PRKN: variants seen among roughly 807,000 people sequenced by gnomAD.
PRKN encodes parkin RBR E3 ubiquitin protein ligase, also known as E3 ubiquitin-protein ligase parkin.
Under a neutral mutation model 59.5 loss-of-function variants are expected in PRKN, and 56 were observed. The observed-to-expected ratio is 0.94, with a 90% CI of 0.76 to 1.18. PRKN has a LOEUF of 1.18. PRKN is among the 50% of genes most tolerant of loss of function. PRKN has a pLI of 0.00. For synonymous variants in PRKN, 250 were observed against 222.1 expected (o/e 1.13, Z -1.12); for missense variants, 657 against 596.4 (o/e 1.10, Z -1.06).
intron 1 of PRKN, among the ~76,000 whole-genome samples, chr6:162,694,236 C>CAAAAAAAAAA (rs149337714): frequency 7.5e-5 from 7 of 93,476 alleles, no homozygotes; most frequent in Non-Finnish European, 1.0e-4. Context: ...AACAGTGAGA[C>CAAAAAAAAAA]AAAAAAAAAA....
chr6:161,775,695 G>C (rs1327824151), intron 7 of PRKN, among the ~76,000 whole-genome samples: 1 of 152,130 alleles, frequency 6.6e-6, no homozygotes, highest in Admixed American at 6.5e-5. Context: ...GTATTTAGGA[G>C]AGCAATGTTC....
chr6:161,367,209 C>G (rs1353822998), intron 10 of PRKN, among the ~76,000 whole-genome samples: 1 of 151,856 alleles, frequency 6.6e-6, no homozygotes, highest in Non-Finnish European at 1.5e-5. Context: ...TCTCGATCTC[C>G]TGACCTTGTG....
intron 4 of PRKN, among the ~76,000 whole-genome samples, chr6:162,068,322 G>C (rs1356852431): frequency 6.6e-6 from 1 of 152,006 alleles, no homozygotes; most frequent in Non-Finnish European, 1.5e-5. Flanking sequence ...CATTATACTT[G>C]GCATTTCTTT....
Position 161,513,625 on chromosome 6 carries a change from C to A in PRKN, c.1083+35229G>T, listed in dbSNP as rs142341136. 3.3e-5 allele frequency among the ~76,000 whole-genome samples: 5 copies of A among 151,668 alleles called. No homozygotes were observed. The East Asian group carries it at 9.7e-4, about 29-fold the overall frequency. On this transcript the variant is annotated intron_variant, in intron 9 of 11. Transcript: ENST00000366898. Reference sequence around the variant, plus strand: ...TGGGCAAGGAGGTAAACAAACTGAGCCACTACATGAAGGAACCCGAAGTTG... The same window carrying A: ...TGGGCAAGGAGGTAAACAAACTGAGACACTACATGAAGGAACCCGAAGTTG...
intron 4 of PRKN, among the ~76,000 whole-genome samples, chr6:162,149,037 G>C (rs1266633154): frequency 6.6e-6 from 1 of 151,968 alleles, no homozygotes; most frequent in African/African-American, 2.4e-5. Flanking sequence ...GGCACAAATA[G>C]GGTAGTGAGA....
intron 6 of PRKN, among the ~76,000 whole-genome samples, chr6:161,853,195 T>C (rs1793507225): frequency 6.6e-6 from 1 of 152,220 alleles, no homozygotes; most frequent in African/African-American, 2.4e-5. Context: ...TTATGGGCTC[T>C]GATAGAATGT....
chr6:162,409,490 AC>A (rs1006873732), intron 2 of PRKN, among the ~76,000 whole-genome samples: 2 of 151,812 alleles, frequency 1.3e-5, no homozygotes, highest in Non-Finnish European at 2.9e-5. Context: ...CCCCACCCTC[AC>A]CCCATGCACT....
intron 1 of PRKN, among the ~76,000 whole-genome samples, chr6:162,608,296 A>G (rs2128218342): frequency 6.6e-6 from 1 of 152,350 alleles, no homozygotes; most frequent in East Asian, 1.9e-4. Context: ...ACAGGGGTTG[A>G]AAGCGTAAGC....
At chr6:161,820,178 C>T (rs868045698) in intron 6 of PRKN, among the ~76,000 whole-genome samples, 3 of 140,690 alleles carry the variant, frequency 2.1e-5, no homozygotes, top group African/African-American at 7.9e-5. Flanking sequence ...TACAATCTTT[C>T]TAAAAATTCA....
intron 6 of PRKN, among the ~76,000 whole-genome samples, chr6:161,818,522 T>C (rs1791885480): frequency 6.6e-6 from 1 of 151,848 alleles, no homozygotes; most frequent in African/African-American, 2.4e-5. Context: ...TCTGCAGAGA[T>C]AGGATCTTGC....
intron 6 of PRKN, among the ~76,000 whole-genome samples, chr6:161,811,689 G>A (rs1435129032): frequency 2.6e-5 from 4 of 152,116 alleles, no homozygotes; most frequent in South Asian, 2.1e-4. Flanking sequence ...TTGGGAGGCC[G>A]AGGCGGGTGG....
chr6:162,494,724 G>A, intron 1 of PRKN, among the ~76,000 whole-genome samples: 1 of 152,218 alleles, frequency 6.6e-6, no homozygotes, highest in East Asian at 1.9e-4. Context: ...GGAATGCACA[G>A]TAAATACTGT....
intron 2 of PRKN, among the ~76,000 whole-genome samples, chr6:162,430,521 C>T (rs749431659): frequency 6.6e-6 from 1 of 152,000 alleles, no homozygotes; most frequent in African/African-American, 2.4e-5. Flanking sequence ...CAATAAAAGA[C>T]CGTTGAGTGA....
intron 3 of PRKN, among the ~76,000 whole-genome samples, chr6:162,258,130 G>T (rs547060871): frequency 6.6e-6 from 1 of 152,112 alleles, no homozygotes; most frequent in Admixed American, 6.6e-5. Context: ...CATCACACAG[G>T]CCTCGCGGCT....
rs963438889 is a variant in PRKN at position 161,369,956 on chromosome 6, G to A, written c.1168-9751C>T. 7 of 433,070 alleles carry A rather than the reference G, an allele frequency of 1.6e-5. No homozygotes were observed. The highest frequency in any genetic ancestry group is 8.0e-5 in the African/African-American group (4 of 49,712). 26.8% of individuals were successfully genotyped at this position (433,070 alleles called of 1,614,324 possible). The stretch of plus-strand genomic sequence containing the variant: ...TCGTGAGTAAGATCAACACACAAAC[G>A]GCTTAGCACAGAGCCAGGTGCACCC... On this transcript the variant is annotated intron_variant, in intron 10 of 11. Transcript: ENST00000366898. The surrounding 1 kb of genome is among the most constrained non-coding windows in gnomAD (Gnocchi z 5.8).
At chr6:162,565,701 C>A (rs774936531) in intron 1 of PRKN, among the ~76,000 whole-genome samples, 134 of 64,084 alleles carry the variant, frequency 2.1e-3, no homozygotes, top group Non-Finnish European at 3.0e-3. Context: ...AAAATAAATA[C>A]ATACATACAT....
At chr6:161,935,223 T>C (rs1219919116) in intron 6 of PRKN, among the ~76,000 whole-genome samples, 1 of 152,094 alleles carries the variant, frequency 6.6e-6, no homozygotes, top group African/African-American at 2.4e-5. Context: ...TTTGTTACAA[T>C]GTGTCTGAGT....
intron 2 of PRKN, among the ~76,000 whole-genome samples, chr6:162,339,676 G>A (rs1175387323): frequency 1.3e-5 from 2 of 152,166 alleles, no homozygotes; most frequent in Admixed American, 6.5e-5. Context: ...TGATGACAAT[G>A]GTGGCTTTGT....
At chr6:161,912,029 T>A (rs1246398592) in intron 6 of PRKN, among the ~76,000 whole-genome samples, 1 of 151,646 alleles carries the variant, frequency 6.6e-6, no homozygotes, top group Non-Finnish European at 1.5e-5. Context: ...AATACAAAAA[T>A]TACCCGGGTG....
Sources: allele counts gnomAD v4.1 joint callset (sites outside exome capture counted in the v4.1 genomes callset), GRCh38; gene constraint gnomAD v4.1.1; non-coding constraint Gnocchi (gnomAD v3.1); transcripts MANE v1.5; gene names NCBI Gene and HGNC (gene_info 2026-07-23, HGNC 2026-07-21).